The following TENM4 variants were observed in gnomAD, a reference collection of about 807,000 sequenced individuals.
TENM4 encodes teneurin transmembrane protein 4, also known as teneurin-4.
TENM4 carries 82 observed loss-of-function variants against 243.3 expected under a neutral mutation model. The ratio of observed to expected loss-of-function variants is 0.34; its 90% CI spans 0.28 to 0.40. The LOEUF (loss-of-function observed/expected upper bound fraction) is 0.40, where lower values mean the gene tolerates loss of function less well. TENM4 is among the 10% of genes least tolerant of loss of function. The pLI is 1.00. For missense variants in TENM4, 3,138 were observed against 3,673.3 expected (o/e 0.85, Z 3.77); for synonymous variants, 1,412 against 1,456.3 (o/e 0.97, Z 0.69).
intron 4 of TENM4, among the ~76,000 whole-genome samples, chr11:79,071,203 A>T (rs1860406399): frequency 6.6e-6 from 1 of 152,240 alleles, no homozygotes; most frequent in Admixed American, 6.5e-5. Flanking sequence ...GAAGGAAAGC[A>T]GAATATCCTC....
At chr11:79,073,149 G>T (rs2137009269) in intron 4 of TENM4, among the ~76,000 whole-genome samples, 1 of 152,324 alleles carries the variant, frequency 6.6e-6, no homozygotes, top group South Asian at 2.1e-4. Context: ...TATGGGCTGT[G>T]CCAGGGGAAT....
intron 1 of TENM4, among the ~76,000 whole-genome samples, chr11:79,385,034 G>T (rs1199479525): frequency 5.9e-5 from 9 of 151,690 alleles, no homozygotes; most frequent in African/African-American, 1.7e-4. Context: ...AAAGCCTGTG[G>T]TCACCGAGCA....
rs562273134 is a variant in TENM4 at position 78,814,390 on chromosome 11, C to A, written c.1687G>T (p.Val563Leu). ...VSFLTTAIES[V>L]DNCPSNCYGN... ...TAGCAGTTGCTGGGGCAGTTATCCA[C>A]CGACTCTGGGGAGAGAAAGGAGAAG... The change falls in exon 13 of 34, where the codon GTG becomes TTG. Residue 563 changes from valine to leucine, a missense_variant. This residue lies in a region of TENM4 where 2,467 missense variants were observed against 3,059.1 expected (regional missense o/e 0.81). Coordinates refer to ENST00000278550, the MANE Select transcript of TENM4 (RefSeq NM_001098816.3). 2.6e-6 allele frequency: 4 copies of A among 1,549,314 alleles called. No homozygotes were observed. The highest frequency in any genetic ancestry group is 1.4e-5 in the African/African-American group (1 of 72,920).
chr11:79,327,338 T>C (rs1856991021), intron 1 of TENM4, among the ~76,000 whole-genome samples: 1 of 152,246 alleles, frequency 6.6e-6, no homozygotes, highest in South Asian at 2.1e-4. Flanking sequence ...ACAAGTCAAT[T>C]ACCTTTCATT....
chr11:79,202,359 A>G (rs1863755955), intron 3 of TENM4, among the ~76,000 whole-genome samples: 1 of 152,228 alleles, frequency 6.6e-6, no homozygotes, highest in Non-Finnish European at 1.5e-5. Context: ...AACAGTAGCA[A>G]TCAGCGAGTA....
chr11:78,702,298 G>A lies in TENM4; in HGVS notation c.4315C>T (p.Arg1439Cys), dbSNP rs543359413. 14 of 1,614,028 alleles carry A rather than the reference G, an allele frequency of 8.7e-6. No homozygotes were observed. The South Asian group carries it at 9.9e-5, about 11-fold the overall frequency. The change falls in exon 28 of 34, where the codon CGC (arginine) becomes TGC (cysteine). Residue 1439 changes from arginine to cysteine, a missense_variant. Arg to Cys is a radical substitution (Grantham distance 180). Around this residue, in one of 2 missense-constraint regions of TENM4, gnomAD observed 2,467 missense variants for 3,059.1 expected, o/e 0.81. Transcript: ENST00000278550. Reference protein sequence around the residue: ...VLQISENHQVRIVAGRPMHCQ... With the variant: ...VLQISENHQVCIVAGRPMHCQ... ...TGCATGGGCCTCCCGGCGACAATGC[G>A]CACCTGGTGGTTTTCAGAGATTTGC...
intron 27 of TENM4, among the ~76,000 whole-genome samples, chr11:78,705,267 G>T (rs1056556628): frequency 1.3e-5 from 2 of 152,190 alleles, no homozygotes; most frequent in Admixed American, 6.5e-5. Flanking sequence ...GGAAGACTAG[G>T]GGGAGACAGA....
chr11:78,726,023 A>G, intron 23 of TENM4, 56 bp downstream of exon 23: 2 of 1,603,660 alleles, frequency 1.2e-6, no homozygotes, highest in East Asian at 2.2e-5. Context: ...GGCACAAGGG[A>G]TATGAGACAA....
intron 4 of TENM4, among the ~76,000 whole-genome samples, chr11:79,094,282 A>G (rs1861027236): frequency 6.6e-6 from 1 of 152,174 alleles, no homozygotes; most frequent in Admixed American, 6.5e-5. Context: ...ATCACTGTGC[A>G]GTATGCTTTA....
chr11:79,435,184 T>C (rs997167344), intron 1 of TENM4, among the ~76,000 whole-genome samples: 2 of 152,106 alleles, frequency 1.3e-5, no homozygotes, highest in East Asian at 3.9e-4. Flanking sequence ...AATGCCTGAA[T>C]TTGCTACAGT....
At chr11:78,969,019 G>T (rs1857490682) in intron 6 of TENM4, among the ~76,000 whole-genome samples, 1 of 152,040 alleles carries the variant, frequency 6.6e-6, no homozygotes, top group Admixed American at 6.5e-5. Flanking sequence ...TTTCTCCTTA[G>T]AAAAAAAGGA....
At chr11:79,372,197 T>A (rs1049707606) in intron 1 of TENM4, among the ~76,000 whole-genome samples, 33 of 152,172 alleles carry the variant, frequency 2.2e-4, no homozygotes, top group African/African-American at 7.2e-4. Flanking sequence ...TTTTTATTTT[T>A]TCCAATCCCA....
At chr11:78,956,335 C>T (rs1274880636) in intron 6 of TENM4, among the ~76,000 whole-genome samples, 4 of 152,002 alleles carry the variant, frequency 2.6e-5, no homozygotes, top group Non-Finnish European at 5.9e-5. Flanking sequence ...AGAAAGGGGG[C>T]CCGACAGCAG....
chr11:79,309,766 T>C (rs1286996781), intron 1 of TENM4, among the ~76,000 whole-genome samples: 1 of 152,204 alleles, frequency 6.6e-6, no homozygotes, highest in Non-Finnish European at 1.5e-5. Context: ...AAGACAAGAC[T>C]TCCCAAGATT....
chr11:79,304,056 G>A (rs1490429347), intron 1 of TENM4, among the ~76,000 whole-genome samples: 1 of 152,192 alleles, frequency 6.6e-6, no homozygotes, highest in Admixed American at 6.5e-5. Flanking sequence ...GAAAAGGGTT[G>A]GAAGAAGGGC....
chr11:78,838,137 A>G (rs1392933261), intron 12 of TENM4, among the ~76,000 whole-genome samples: 1 of 152,212 alleles, frequency 6.6e-6, no homozygotes, highest in Non-Finnish European at 1.5e-5. Flanking sequence ...AAGATACACC[A>G]TTATTTTAAT....
At chr11:78,795,370 G>A (rs187756904) in intron 15 of TENM4, among the ~76,000 whole-genome samples, 15 of 152,272 alleles carry the variant, frequency 9.9e-5, no homozygotes, top group Admixed American at 6.5e-5. Context: ...GAGTGCTCAC[G>A]TAACTGTTCA....
intron 12 of TENM4, among the ~76,000 whole-genome samples, chr11:78,816,251 G>A (rs1857603112): frequency 6.6e-6 from 1 of 152,206 alleles, no homozygotes; most frequent in African/African-American, 2.4e-5. Context: ...TTGCTATGGA[G>A]ATACCTAGGT....
chr11:79,390,241 C>T (rs1858203991), intron 1 of TENM4, among the ~76,000 whole-genome samples: 1 of 152,154 alleles, frequency 6.6e-6, no homozygotes. Flanking sequence ...TTCTTGGGAC[C>T]ACCAAAGACC....
Sources: allele counts gnomAD v4.1 joint callset (sites outside exome capture counted in the v4.1 genomes callset), GRCh38; gene constraint gnomAD v4.1.1; regional missense constraint gnomAD v4.1.1; transcripts MANE v1.5; gene names NCBI Gene and HGNC (gene_info 2026-07-23, HGNC 2026-07-21).